Variants in WWP2 observed in about 807,000 individuals in gnomAD.
WWP2 encodes NEDD4-like E3 ubiquitin-protein ligase WWP2.
A neutral mutation model predicts 121.0 loss-of-function variants in WWP2; 57 were observed. The ratio of observed to expected loss-of-function variants is 0.47; its 90% CI spans 0.38 to 0.59. WWP2 has a LOEUF of 0.59. Among genes scored for constraint, WWP2 ranks in the 20% least tolerant of loss-of-function variants. The probability of loss-of-function intolerance (pLI) is 0.00; values close to 1 mark genes in which losing one functional copy is unlikely to be tolerated. For synonymous variants in WWP2, 449 were observed against 441.3 expected (o/e 1.02, Z -0.22); for missense variants, 962 against 1,158.9 (o/e 0.83, Z 2.47).
intron 7 of WWP2, among the ~76,000 whole-genome samples, chr16:69,878,760 C>T (rs895562947): frequency 2.0e-5 from 3 of 152,164 alleles, no homozygotes; most frequent in Non-Finnish European, 2.9e-5. Flanking sequence ...TTCATCTAAC[C>T]ATTCCTTAAT....
intron 8 of WWP2, among the ~76,000 whole-genome samples, chr16:69,893,297 C>T (rs375031014): frequency 6.6e-6 from 1 of 152,216 alleles, no homozygotes; most frequent in East Asian, 1.9e-4. Flanking sequence ...ACCAAGGTGG[C>T]CGGGAGCCTG....
At chr16:69,896,764 A>G (rs7188693) in intron 8 of WWP2, among the ~76,000 whole-genome samples, 5,587 of 150,380 alleles carry the variant, frequency 0.037, 289 homozygotes, top group African/African-American at 0.12. Flanking sequence ...TACAGCTACC[A>G]TGTATTCTAA....
At chr16:69,884,671 A>G (rs183365171) in intron 7 of WWP2, among the ~76,000 whole-genome samples, 21 of 152,352 alleles carry the variant, frequency 1.4e-4, no homozygotes, top group African/African-American at 5.0e-4. Context: ...ATTTTAAAAC[A>G]TATTTGAATC....
chr16:69,918,011 C>T (rs748015841), intron 10 of WWP2, 128 bp downstream of exon 10: 69 of 1,229,316 alleles, frequency 5.6e-5, no homozygotes, highest in Non-Finnish European at 7.3e-5. Flanking sequence ...AGTGCTCTGC[C>T]CCTGGAGATT....
intron 1 of WWP2, among the ~76,000 whole-genome samples, chr16:69,777,894 C>T (rs972886199): frequency 1.3e-5 from 2 of 150,264 alleles, no homozygotes; most frequent in Non-Finnish European, 3.0e-5. Context: ...TAGGGACCCC[C>T]TTCATCTGTA....
intron 6 of WWP2, among the ~76,000 whole-genome samples, chr16:69,849,858 T>TGTTA (rs1555495355): frequency 3.3e-5 from 5 of 151,694 alleles, no homozygotes; most frequent in Non-Finnish European, 7.4e-5. Context: ...TACATTGGTT[T>TGTTA]ATTTTGCATC....
At chr16:69,804,569 G>A (rs2056237103) in intron 4 of WWP2, among the ~76,000 whole-genome samples, 1 of 152,114 alleles carries the variant, frequency 6.6e-6, no homozygotes, top group Admixed American at 6.5e-5. Flanking sequence ...AAATCACTCT[G>A]TCTATGCTAT....
intron 1 of WWP2, among the ~76,000 whole-genome samples, chr16:69,768,384 A>G (rs760123301): frequency 6.6e-6 from 1 of 152,032 alleles, no homozygotes; most frequent in Non-Finnish European, 1.5e-5. Context: ...CGAGGTGGGT[A>G]GATCACCTGA....
At chr16:69,878,138 G>A (rs2057767211) in intron 7 of WWP2, among the ~76,000 whole-genome samples, 1 of 152,120 alleles carries the variant, frequency 6.6e-6, no homozygotes, top group South Asian at 2.1e-4. Context: ...GATGGGGTTT[G>A]TGGCACTGCA....
At chr16:69,906,246 A>C (rs1046164308) in intron 8 of WWP2, among the ~76,000 whole-genome samples, 1 of 151,624 alleles carries the variant, frequency 6.6e-6, no homozygotes, top group Non-Finnish European at 1.5e-5. Context: ...CTATTTTTTT[A>C]TATTTTTAGT....
At chr16:69,930,488 A>G (rs866494194) in intron 13 of WWP2, among the ~76,000 whole-genome samples, 9 of 152,272 alleles carry the variant, frequency 5.9e-5, no homozygotes, top group South Asian at 2.1e-4. Context: ...CACAACAATA[A>G]AAAAGATTAA....
chr16:69,931,989 C>T (rs2058722807), intron 16 of WWP2, 99 bp downstream of exon 16: 2 of 1,166,070 alleles, frequency 1.7e-6, no homozygotes, highest in Non-Finnish European at 2.5e-6. Context: ...ACATTCCCTC[C>T]CAAAGCTCTC....
rs1468392972 is a variant in WWP2, at chr16:69,810,196, C to A, written c.340+10901C>A. ...CTTGGACATTGGCTGGGAAACTCAG[C>A]TGGCTGTTTTCTGCCTGCCTTTGGC... On this transcript the variant is annotated intron_variant, in intron 4 of 23. Transcript: ENST00000359154. Among the ~76,000 whole-genome samples the A allele has an allele frequency of 3.3e-5, 5 of 152,230 alleles. No homozygotes were observed. The East Asian group carries it at 9.6e-4, about 29-fold the overall frequency.
At chr16:69,791,617 C>A (rs1298514262) in intron 2 of WWP2, among the ~76,000 whole-genome samples, 1 of 152,184 alleles carries the variant, frequency 6.6e-6, no homozygotes, top group Non-Finnish European at 1.5e-5. Flanking sequence ...AAAATAGGCT[C>A]AAGCAATCCT....
intron 8 of WWP2, among the ~76,000 whole-genome samples, chr16:69,900,524 C>CTT (rs58813634): frequency 6.8e-6 from 1 of 147,300 alleles, no homozygotes; most frequent in South Asian, 2.2e-4. Flanking sequence ...ATGTTGCCAA[C>CTT]TTTTTTTTTT....
At chr16:69,815,643 C>A (rs12926791) in intron 4 of WWP2, among the ~76,000 whole-genome samples, 3 of 151,518 alleles carry the variant, frequency 2.0e-5, no homozygotes, top group Non-Finnish European at 1.5e-5. Flanking sequence ...ACAAATTAGC[C>A]GGGTGTGGTG....
chr16:69,871,149 G>A (rs1329123622), intron 6 of WWP2, among the ~76,000 whole-genome samples: 3 of 151,966 alleles, frequency 2.0e-5, no homozygotes, highest in Non-Finnish European at 4.4e-5. Flanking sequence ...GCCAGGCGTG[G>A]TGCTGTGTGC....
chr16:69,910,214 A>C (rs977309818), intron 9 of WWP2: 1 of 313,194 alleles, frequency 3.2e-6, no homozygotes, highest in Non-Finnish European at 4.6e-6. Flanking sequence ...GTATTTCTAA[A>C]ACATATTCTT....
chr16:69,782,292 A>G (rs773086325), intron 1 of WWP2, among the ~76,000 whole-genome samples: 1 of 152,152 alleles, frequency 6.6e-6, no homozygotes, highest in Non-Finnish European at 1.5e-5. Context: ...CAAACAAACA[A>G]ACAGACAAAC....
Sources: gnomAD v4.1 joint callset for allele counts (sites outside exome capture counted in the v4.1 genomes callset) on GRCh38, gnomAD v4.1.1 for gene constraint, MANE v1.5 for transcripts, NCBI Gene and HGNC (gene_info 2026-07-23, HGNC 2026-07-21) for gene names.